The following CORO2B variants were observed in gnomAD, a reference collection of about 807,000 sequenced individuals.
The protein encoded by CORO2B is coronin-2B.
Under a neutral mutation model 58.8 loss-of-function variants are expected in CORO2B, and 26 were observed. That is an observed-to-expected ratio of 0.44 (90% confidence interval 0.32 to 0.61). The LOEUF (loss-of-function observed/expected upper bound fraction) is 0.61, where lower values mean the gene tolerates loss of function less well. CORO2B is among the 20% of genes least tolerant of loss of function. The probability of loss-of-function intolerance (pLI) is 0.04; values close to 1 mark genes in which losing one functional copy is unlikely to be tolerated. For synonymous variants in CORO2B, 242 were observed against 253.8 expected, an observed-to-expected ratio of 0.95 and a Z score of 0.44; for missense variants, 460 against 645.1, an observed-to-expected ratio of 0.71 and a Z score of 3.11.
chr15:68,566,946 T>C, the CORO2B span, among the ~76,000 whole-genome samples: 1 of 152,206 alleles, frequency 6.6e-6, no homozygotes, highest in East Asian at 1.9e-4. Context: ...AGAGGCAGCG[T>C]GTCCAATAAA....
the CORO2B span, among the ~76,000 whole-genome samples, chr15:68,523,973 C>T: frequency 6.6e-6 from 1 of 152,128 alleles, no homozygotes; most frequent in African/African-American, 2.4e-5. Flanking sequence ...TGCTTACAAT[C>T]CAAGCACTTT....
chr15:68,538,953 A>C, the CORO2B span, among the ~76,000 whole-genome samples: 1 of 152,238 alleles, frequency 6.6e-6, no homozygotes, highest in South Asian at 2.1e-4. Flanking sequence ...GGTTTGAAAA[A>C]CCGTTAATCC....
At chr15:68,597,639 A>AT (rs1899872832) in intron 1 of CORO2B, among the ~76,000 whole-genome samples, 6 of 151,136 alleles carry the variant, frequency 4.0e-5, no homozygotes, top group Admixed American at 3.3e-4. Flanking sequence ...AAAAAAAAAA[A>AT]ATAAATAAAT....
intron 3 of CORO2B, among the ~76,000 whole-genome samples, chr15:68,709,424 T>A (rs926959301): frequency 6.6e-6 from 1 of 151,022 alleles, no homozygotes; most frequent in Admixed American, 6.6e-5. Context: ...CTAGCAAGGG[T>A]GGAGTTCAGA....
chr15:68,686,918 T>G (rs981169540), intron 2 of CORO2B, among the ~76,000 whole-genome samples: 4 of 148,436 alleles, frequency 2.7e-5, no homozygotes, highest in Admixed American at 6.7e-5. Flanking sequence ...AAAAAGAAAA[T>G]AAAAAAATGA....
At chr15:68,556,103 C>T in the CORO2B span, among the ~76,000 whole-genome samples, 5 of 152,256 alleles carry the variant, frequency 3.3e-5, no homozygotes, top group South Asian at 2.1e-4. Context: ...AGAGACAGGA[C>T]GGGGAGCGGG....
intron 3 of CORO2B, among the ~76,000 whole-genome samples, chr15:68,707,924 C>T (rs1892820778): frequency 6.6e-6 from 1 of 152,094 alleles, no homozygotes; most frequent in African/African-American, 2.4e-5. Context: ...GCCCCCTATA[C>T]ATCACTCCCT....
intron 1 of CORO2B, among the ~76,000 whole-genome samples, chr15:68,581,107 GA>G (rs1899414909): frequency 2.0e-5 from 3 of 152,138 alleles, no homozygotes; most frequent in Admixed American, 2.0e-4. Flanking sequence ...CCTGAACCTT[GA>G]AGCAGGGATG....
rs192640296 is a variant in CORO2B at position 68,604,148 on chromosome 15, G to T, written c.15+24871G>T. Among the ~76,000 whole-genome samples the T allele has an allele frequency of 3.3e-5, 5 of 152,216 alleles. 1 individual carries two copies. ...AGTCAGCACTCCACAGGCATGAGCC[G>T]CCCCTCGTCGTTCTTATCACGTTCG... On this transcript the variant is annotated intron_variant, in intron 1 of 11. Coordinates refer to ENST00000261861, the MANE Select transcript of CORO2B (RefSeq NM_006091.5).
Position 68,613,246 on chromosome 15 carries a change from T to C in CORO2B, c.16-31914T>C, listed in dbSNP as rs116803901. On this transcript the variant is annotated intron_variant, in intron 1 of 11. Transcript: ENST00000261861. ...TCCTGATAAAAACTGAGACTATTAC[T>C]ATGAGAGAGAATAGAAGAACAGAAT... Among the ~76,000 whole-genome samples, 1,049 of 152,308 alleles carry C rather than the reference T, an allele frequency of 6.9e-3. 13 individuals carry two copies. Among genetic ancestry groups the C allele is most frequent in the African/African-American group, 0.024 (994 of 41,546 alleles).
chr15:68,718,020 A>C (rs1218489416), intron 8 of CORO2B, among the ~76,000 whole-genome samples: 1 of 152,226 alleles, frequency 6.6e-6, no homozygotes, highest in Non-Finnish European at 1.5e-5. Flanking sequence ...GAAAGGGGGC[A>C]GAGTGAGGAC....
the CORO2B span, among the ~76,000 whole-genome samples, chr15:68,572,959 CCACACATGCA>C: frequency 1.3e-5 from 2 of 152,142 alleles, no homozygotes; most frequent in African/African-American, 2.4e-5. Flanking sequence ...TGGTTCATTT[CCACACATGCA>C]CACACATGCA....
chr15:68,564,626 C>G, the CORO2B span, among the ~76,000 whole-genome samples: 1 of 152,116 alleles, frequency 6.6e-6, no homozygotes, highest in Non-Finnish European at 1.5e-5. Context: ...GCAGTGAAAT[C>G]TTTCTTTCTT....
chr15:68,541,933 C>T, the CORO2B span, among the ~76,000 whole-genome samples: 2 of 152,172 alleles, frequency 1.3e-5, no homozygotes, highest in African/African-American at 4.8e-5. Context: ...TTCCTTCCAC[C>T]CTCTCAACCC....
intron 2 of CORO2B, among the ~76,000 whole-genome samples, chr15:68,670,470 G>A (rs4776417): frequency 0.072 from 10,995 of 152,156 alleles, 643 homozygotes; most frequent in African/African-American, 0.17. Context: ...ATGAGCCATC[G>A]CGCCCAGCCA....
the CORO2B span, among the ~76,000 whole-genome samples, chr15:68,525,546 A>C: frequency 1.3e-5 from 2 of 152,196 alleles, no homozygotes; most frequent in African/African-American, 4.8e-5. Context: ...TTCATTTGTT[A>C]AAAAGTAGAA....
At chr15:68,583,633 A>G (rs1899483283) in intron 1 of CORO2B, among the ~76,000 whole-genome samples, 2 of 152,310 alleles carry the variant, frequency 1.3e-5, no homozygotes, top group Middle Eastern at 6.8e-3. Context: ...AGCAAAGTCC[A>G]TAGGAGCCTT....
chr15:68,576,175 AAGAAAG>A (rs1342493453), upstream of CORO2B, among the ~76,000 whole-genome samples: 3 of 140,052 alleles, frequency 2.1e-5, no homozygotes, highest in Non-Finnish European at 4.7e-5. Flanking sequence ...AAAAAAAAAA[AAGAAAG>A]AAAGAAAGAA....
chr15:68,596,759 C>G (rs1595958504), intron 1 of CORO2B, among the ~76,000 whole-genome samples: 1 of 152,188 alleles, frequency 6.6e-6, no homozygotes, highest in Non-Finnish European at 1.5e-5. Flanking sequence ...GGGTACAACA[C>G]AGCAGGCAGA....
Sources: gnomAD v4.1 joint callset for allele counts (sites outside exome capture counted in the v4.1 genomes callset) on GRCh38, gnomAD v4.1.1 for gene constraint, MANE v1.5 for transcripts, NCBI Gene and HGNC (gene_info 2026-07-23, HGNC 2026-07-21) for gene names.